The following RARB variants were observed in gnomAD, a reference collection of about 807,000 sequenced individuals.
The protein encoded by RARB is retinoic acid receptor beta.
In RARB, 17 loss-of-function variants were observed where a neutral mutation model predicts 51.9. That is an observed-to-expected ratio of 0.33 (90% confidence interval 0.22 to 0.49). The LOEUF (loss-of-function observed/expected upper bound fraction) is 0.49. Among genes scored for constraint, RARB ranks in the 20% least tolerant of loss-of-function variants. RARB has a pLI of 0.99. For missense variants in RARB, 369 were observed against 550.8 expected, an observed-to-expected ratio of 0.67 and a Z score of 3.30; for synonymous variants, 215 against 195.4, an observed-to-expected ratio of 1.10 and a Z score of -0.84.
intron 5 of RARB, among the ~76,000 whole-genome samples, chr3:25,241,350 C>T (rs1702426387): frequency 6.6e-6 from 1 of 152,114 alleles, no homozygotes; most frequent in Non-Finnish European, 1.5e-5. Flanking sequence ...TTCTGGGATA[C>T]ATGTGCAGAA....
chr3:25,591,703 G>A (rs2125322810), intron 5 of RARB, among the ~76,000 whole-genome samples: 2 of 152,324 alleles, frequency 1.3e-5, no homozygotes, highest in East Asian at 3.9e-4. Flanking sequence ...TGTTAGGGAT[G>A]AAGAGGGCTT....
chr3:25,485,731 C>G (rs1042537472), intron 2 of RARB, among the ~76,000 whole-genome samples: 1 of 151,910 alleles, frequency 6.6e-6, no homozygotes, highest in Non-Finnish European at 1.5e-5. Flanking sequence ...TATTTTTTCC[C>G]TTTTATTGGA....
chr3:25,309,585 C>G (rs1041179575), intron 5 of RARB, among the ~76,000 whole-genome samples: 3 of 150,196 alleles, frequency 2.0e-5, no homozygotes, highest in African/African-American at 7.4e-5. Flanking sequence ...GCAACCTCCC[C>G]CTCCCGAGTT....
chr3:25,254,523 T>G (rs572029520), intron 5 of RARB, among the ~76,000 whole-genome samples: 1 of 152,304 alleles, frequency 6.6e-6, no homozygotes, highest in African/African-American at 2.4e-5. Context: ...AATATCATTA[T>G]TGGGACACTA....
chr3:25,197,267 T>C (rs1361336296), intron 5 of RARB, among the ~76,000 whole-genome samples: 1 of 152,148 alleles, frequency 6.6e-6, no homozygotes, highest in Non-Finnish European at 1.5e-5. Context: ...GGGATCCAGT[T>C]TCAGCTTTCT....
intron 3 of RARB, among the ~76,000 whole-genome samples, chr3:25,528,245 AG>A (rs1381198328): frequency 1.3e-5 from 2 of 152,190 alleles, no homozygotes; most frequent in African/African-American, 4.8e-5. Flanking sequence ...CCTGAAGGAC[AG>A]TGTGCCCAGA....
At chr3:25,450,723 A>G (rs531992298) in intron 1 of RARB, among the ~76,000 whole-genome samples, 2 of 152,088 alleles carry the variant, frequency 1.3e-5, no homozygotes, top group African/African-American at 4.8e-5. Flanking sequence ...GCAGCCCCCA[A>G]TTGTGACAGC....
At chr3:24,849,967 C>G (rs1245610263) in intron 1 of RARB, among the ~76,000 whole-genome samples, 1 of 152,146 alleles carries the variant, frequency 6.6e-6, no homozygotes, top group Non-Finnish European at 1.5e-5. Flanking sequence ...ATAGTGGAGA[C>G]TGAGTAATTT....
At chr3:25,366,806 C>T (rs1706133824) in intron 5 of RARB, among the ~76,000 whole-genome samples, 1 of 152,132 alleles carries the variant, frequency 6.6e-6, no homozygotes, top group South Asian at 2.1e-4. Context: ...AGAGCATTTC[C>T]TAAATATTAT....
intron 3 of RARB, among the ~76,000 whole-genome samples, chr3:25,072,301 G>C (rs1048763849): frequency 3.3e-5 from 5 of 152,184 alleles, no homozygotes; most frequent in Non-Finnish European, 7.3e-5. Flanking sequence ...ATAAGGACAC[G>C]TTCTGGAGAG....
At chr3:25,552,972 C>T (rs1265364038) in intron 3 of RARB, among the ~76,000 whole-genome samples, 1 of 152,088 alleles carries the variant, frequency 6.6e-6, no homozygotes, top group East Asian at 1.9e-4. Flanking sequence ...GAATTAATGA[C>T]ATACCTTTTA....
At chr3:24,972,269 C>A (rs1264334558) in intron 2 of RARB, among the ~76,000 whole-genome samples, 1 of 152,008 alleles carries the variant, frequency 6.6e-6, no homozygotes, top group Non-Finnish European at 1.5e-5. Context: ...TCACTTATTT[C>A]ACTTCACATA....
intron 2 of RARB, among the ~76,000 whole-genome samples, chr3:24,862,075 C>T (rs1479986109): frequency 6.6e-6 from 1 of 152,152 alleles, no homozygotes; most frequent in East Asian, 1.9e-4. Context: ...CTAACATTTC[C>T]AATGGTAGCA....
At chr3:25,512,143 A>G (rs58312942) in intron 3 of RARB, among the ~76,000 whole-genome samples, 2 of 152,120 alleles carry the variant, frequency 1.3e-5, no homozygotes, top group Admixed American at 1.3e-4. Context: ...GGGGCTAAAA[A>G]CAGTACTTAG....
At chr3:24,922,851 A>G (rs1695247156) in intron 2 of RARB, among the ~76,000 whole-genome samples, 1 of 152,202 alleles carries the variant, frequency 6.6e-6, no homozygotes, top group South Asian at 2.1e-4. Flanking sequence ...AGGGTGTCTC[A>G]GGGTTATAGA....
intron 1 of RARB, among the ~76,000 whole-genome samples, chr3:24,847,599 A>G (rs1323360695): frequency 6.6e-6 from 1 of 152,194 alleles, no homozygotes; most frequent in Non-Finnish European, 1.5e-5. Context: ...GAATTGGGAT[A>G]AAATAGGGTG....
At chr3:25,253,089 A>G (rs1404050044) in intron 5 of RARB, among the ~76,000 whole-genome samples, 2 of 152,298 alleles carry the variant, frequency 1.3e-5, no homozygotes, top group East Asian at 1.9e-4. Flanking sequence ...GAGGTAGATG[A>G]TAGAAGGTTT....
intron 3 of RARB, among the ~76,000 whole-genome samples, chr3:25,123,280 G>T (rs1236488389): frequency 6.6e-6 from 1 of 152,098 alleles, no homozygotes. Flanking sequence ...TTCTATTGGC[G>T]TCAATTTTCA....
In RARB at chr3:25,597,264, A is replaced by AAGTATACAAATTCCCTGCACTAGC. The variant is rs1310715724; in HGVS notation, c.*651_*674dup. The AAGTATACAAATTCCCTGCACTAGC allele has an allele frequency of 6.6e-6, 1 of 152,646 alleles. No individual in the cohort carries two copies. Among genetic ancestry groups the AAGTATACAAATTCCCTGCACTAGC allele is most frequent in the Non-Finnish European group, 1.5e-5 (1 of 68,044 alleles). The allele number at this position is 152,646 out of a possible 1,614,324, so 9.5% of individuals were successfully genotyped here. ...TCTTTTATTTCATGTTGCCCAGTAA[A>AAGTATACAAATTCCCTGCACTAGC]AGTATACAAATTCCCTGCACTAGCA... On this transcript the variant is annotated 3_prime_UTR_variant, in exon 8 of 8. Transcript: ENST00000330688.
Sources: allele counts gnomAD v4.1 joint callset (sites outside exome capture counted in the v4.1 genomes callset), GRCh38; gene constraint gnomAD v4.1.1; transcripts MANE v1.5; gene names NCBI Gene and HGNC (gene_info 2026-07-23, HGNC 2026-07-21).